FAM168B: variants seen among roughly 807,000 people sequenced by gnomAD.
FAM168B encodes myelin-associated neurite-outgrowth inhibitor.
FAM168B carries 19 observed loss-of-function variants against 21.8 expected under a neutral mutation model. The ratio of observed to expected loss-of-function variants is 0.87; its 90% confidence interval spans 0.61 to 1.28. FAM168B has a LOEUF of 1.28. Ranked by LOEUF, FAM168B falls within the 50% of genes most tolerant of loss-of-function variation. The probability of loss-of-function intolerance (pLI) is 0.00; values close to 1 mark genes in which losing one functional copy is unlikely to be tolerated. For missense variants in FAM168B, 233 were observed against 263.1 expected, an observed-to-expected ratio of 0.89 and a Z score of 0.79; for synonymous variants, 126 against 104.8, an observed-to-expected ratio of 1.20 and a Z score of -1.24.
At position 131,049,493 on chromosome 2, in the gene FAM168B, C is replaced by A. The variant is rs1691516600; in HGVS notation, c.*2972G>T. On this transcript the variant is annotated 3_prime_UTR_variant, in exon 7 of 7. Transcript: ENST00000389915. Reference sequence around the variant, plus strand: ...GGCCCATTACCATGACTGGCCCTGACTCTGGCCCTCACAGAGCGGCAAGTT... The same window carrying A: ...GGCCCATTACCATGACTGGCCCTGAATCTGGCCCTCACAGAGCGGCAAGTT... 3.0e-6 allele frequency: 3 copies of A among 985,338 alleles called. No individual in the cohort carries two copies. Among genetic ancestry groups the A allele is most frequent in the Middle Eastern group, 1.0e-3 (2 of 1,936 alleles). The allele number at this position is 985,338 out of a possible 1,614,324, so 61.0% of individuals were successfully genotyped here. A position where few individuals can be genotyped will look rare whatever the true frequency, so the allele number is the denominator to read the frequency against.
rs953037278 is a variant in FAM168B, at chr2:131,091,071, C to T, written c.-12+2143G>A. ...AAAAGAAGCTGGATACGGTGGCTCA[C>T]GCCTGTAATCCCAGCACTCTGGGAG... is the stretch of plus-strand genomic sequence containing the variant. On this transcript the variant is annotated intron_variant, in intron 1 of 6. Coordinates refer to ENST00000389915, the MANE Select transcript of FAM168B (RefSeq NM_001009993.4). Among the ~76,000 whole-genome samples, 7 of 152,310 alleles carry T rather than the reference C, an allele frequency of 4.6e-5. No homozygotes were observed. The South Asian group carries it at 1.4e-3, about 32-fold the overall frequency.
At chr2:131,075,109 A>G (rs1693074117) in intron 2 of FAM168B, among the ~76,000 whole-genome samples, 2 of 152,052 alleles carry the variant, frequency 1.3e-5, no homozygotes, top group South Asian at 4.1e-4. Flanking sequence ...TTCAACTTCA[A>G]AGAGACCCAC....
Position 131,067,721 on chromosome 2 carries a change from A to ACT in FAM168B, c.154+4132_154+4133dup, listed in dbSNP as rs199771221. On this transcript the variant is annotated intron_variant, in intron 3 of 6. Coordinates refer to ENST00000389915, the MANE Select transcript of FAM168B (RefSeq NM_001009993.4). ...AGGCAACAAAGTGAGATCCTATCAC[A>ACT]CTCACACACACACACACACATACAC... Among the ~76,000 whole-genome samples, 431 of 151,952 alleles carry ACT rather than the reference A, an allele frequency of 2.8e-3. 8 individuals are homozygous for ACT. Among genetic ancestry groups the ACT allele is most frequent in the Admixed American group, 0.02 (307 of 15,262 alleles).
intron 3 of FAM168B, among the ~76,000 whole-genome samples, 198 bp downstream of exon 3, chr2:131,071,657 G>A (rs940910287): frequency 6.6e-6 from 1 of 152,136 alleles, no homozygotes; most frequent in African/African-American, 2.4e-5. Flanking sequence ...CCTTGTGGGA[G>A]GACATGAGAA....
chr2:131,085,697 A>G (rs1414639178), intron 1 of FAM168B, among the ~76,000 whole-genome samples: 1 of 152,038 alleles, frequency 6.6e-6, no homozygotes, highest in Non-Finnish European at 1.5e-5. Context: ...TAAAACATTC[A>G]TTACCTGAAC....
intron 3 of FAM168B, among the ~76,000 whole-genome samples, chr2:131,065,614 AC>A (rs1336509932): frequency 6.6e-6 from 1 of 151,846 alleles, no homozygotes; most frequent in African/African-American, 2.4e-5. Context: ...ACATGGAGAA[AC>A]CCCGTCTCTA....
Position 131,052,913 on chromosome 2 carries a change from G to A in FAM168B, c.578C>T (p.Pro193Leu). 1 of 1,558,574 alleles carries A rather than the reference G, an allele frequency of 6.4e-7. No homozygotes were observed. The highest frequency in any genetic ancestry group is 8.7e-7 in the Non-Finnish European group (1 of 1,150,500). Residue 193 changes from proline (P) to leucine (L), a missense_variant, in exon 6 of 7, where the codon CCT becomes CTT. Coordinates refer to ENST00000389915, the MANE Select transcript of FAM168B (RefSeq NM_001009993.4). The stretch of plus-strand genomic sequence containing the variant: ...TACATTTGCAGGTGATCACCACTGA[G>A]GGGGCACATAGCTGTAAGTGGGCGT... ...PGTPTYSYVP[P>L]QW
chr2:131,062,973 C>T (rs1399948245), intron 3 of FAM168B, among the ~76,000 whole-genome samples: 3 of 152,186 alleles, frequency 2.0e-5, no homozygotes, highest in Non-Finnish European at 4.4e-5. Flanking sequence ...CTGAGGACCA[C>T]AACTTACTCT....
At chr2:131,085,626 C>T (rs1693654325) in intron 1 of FAM168B, among the ~76,000 whole-genome samples, 1 of 152,196 alleles carries the variant, frequency 6.6e-6, no homozygotes, top group African/African-American at 2.4e-5. Context: ...AGGTCACATC[C>T]TTAGCCTCTG....
intron 2 of FAM168B, among the ~76,000 whole-genome samples, chr2:131,073,246 C>T (rs1452480517): frequency 6.6e-6 from 1 of 152,082 alleles, no homozygotes; most frequent in Non-Finnish European, 1.5e-5. Flanking sequence ...GCGTGCACCA[C>T]CACGCCCAGC....
intron 1 of FAM168B, among the ~76,000 whole-genome samples, chr2:131,084,170 G>A (rs1693566567): frequency 1.3e-5 from 2 of 150,768 alleles, no homozygotes; most frequent in Non-Finnish European, 1.5e-5. Flanking sequence ...AAAGTGCTGG[G>A]ACTGTATTTC....
rs1330918072 is a variant in FAM168B at position 131,086,916 on chromosome 2, T to A, written c.-11-4259A>T. Among the ~76,000 whole-genome samples, 9 of 125,772 alleles carry A rather than the reference T, an allele frequency of 7.2e-5. 1 individual carries two copies. Among genetic ancestry groups the A allele is most frequent in the Admixed American group, 6.6e-4 (9 of 13,580 alleles). 82.5% of individuals were successfully genotyped at this position (125,772 alleles called of 152,430 possible). A position where few individuals can be genotyped will look rare whatever the true frequency, so the allele number is the denominator to read the frequency against. ...CCGTCTCTACTAAAAATACAAAAAA[T>A]TAGCCGGGCGAGGTGGCGGGCGCCT... On this transcript the variant is annotated intron_variant, in intron 1 of 6. Transcript: ENST00000389915.
At chr2:131,059,598 G>A (rs1210211621) in intron 3 of FAM168B, among the ~76,000 whole-genome samples, 12 of 152,148 alleles carry the variant, frequency 7.9e-5, no homozygotes. Context: ...TTATAAAAAT[G>A]TCAAAACATA....
At chr2:131,057,259 C>G (rs1692073708) in intron 3 of FAM168B, among the ~76,000 whole-genome samples, 1 of 152,040 alleles carries the variant, frequency 6.6e-6, no homozygotes, top group Admixed American at 6.6e-5. Context: ...TTCCTAGTAG[C>G]CAAAAATGGG....
intron 5 of FAM168B, among the ~76,000 whole-genome samples, chr2:131,053,566 C>G (rs1201921924): frequency 1.3e-5 from 2 of 152,180 alleles, no homozygotes; most frequent in Non-Finnish European, 2.9e-5. Flanking sequence ...CTTAACACTA[C>G]TGAACCGTAC....
intron 1 of FAM168B, among the ~76,000 whole-genome samples, chr2:131,088,362 T>A (rs911522846): frequency 6.8e-6 from 1 of 147,098 alleles, no homozygotes; most frequent in East Asian, 2.0e-4. Flanking sequence ...ACCCCAAAAG[T>A]GGGACATTCC....
At chr2:131,089,005 T>G (rs1485580875) in intron 1 of FAM168B, among the ~76,000 whole-genome samples, 1 of 151,902 alleles carries the variant, frequency 6.6e-6, no homozygotes, top group Non-Finnish European at 1.5e-5. Flanking sequence ...TCACTTTTGT[T>G]GCCCAGGCTG....
intron 3 of FAM168B, among the ~76,000 whole-genome samples, chr2:131,062,087 C>G (rs1385371791): frequency 6.6e-6 from 1 of 152,220 alleles, no homozygotes; most frequent in Admixed American, 6.5e-5. Context: ...CCACATCCAT[C>G]AACATTGCTA....
rs753722665 is a variant in FAM168B, at chr2:131,071,925, C to A, written c.84G>T (p.Met28Ile). Residue 28 changes from methionine to isoleucine, a missense_variant, in exon 3 of 7, where the codon ATG becomes ATT. Transcript: ENST00000389915. ...AGGCAGGAGCTGCTGCTGCATAGCCCATGGGAAAACCAGCTGAAGAAAAAT... is the reference window on the plus strand; with the variant it reads ...AGGCAGGAGCTGCTGCTGCATAGCCAATGGGAAAACCAGCTGAAGAAAAAT... ...KGIGYPAGFPMGYAAAAPAYS... is the reference protein window; with the variant it reads ...KGIGYPAGFPIGYAAAAPAYS... 6 of 1,613,954 alleles carry A rather than the reference C, an allele frequency of 3.7e-6. No individual in the cohort carries two copies. The South Asian group carries it at 6.6e-5, about 18-fold the overall frequency.
Sources: allele counts gnomAD v4.1 joint callset (sites outside exome capture counted in the v4.1 genomes callset), GRCh38; gene constraint gnomAD v4.1.1; transcripts MANE v1.5; gene names NCBI Gene and HGNC (gene_info 2026-07-23, HGNC 2026-07-21).